The following SHROOM1 variants were observed in gnomAD, a reference collection of about 807,000 sequenced individuals.
The protein encoded by SHROOM1 is shroom family member 1, also known as protein Shroom1.
In SHROOM1, 53 loss-of-function variants were observed where a neutral mutation model predicts 64.2. The ratio of observed to expected loss-of-function variants is 0.83; its 90% CI spans 0.66 to 1.04. The LOEUF is 1.04. SHROOM1 is among the 50% of genes least tolerant of loss of function. The pLI, the probability that SHROOM1 is intolerant of heterozygous loss-of-function variation, is 0.00. For synonymous variants in SHROOM1, 490 were observed against 518.9 expected (o/e 0.94, Z 0.76); for missense variants, 1,179 against 1,163.2 (o/e 1.01, Z -0.20).
rs766254170 is a variant in SHROOM1 at position 132,825,137 on chromosome 5, C to T, written c.978+26G>A. ...TTTGTTTCCCAGATGCTCCCCTCAC[C>T]AGCCTGCATCTCCTGACTTCCATAC... On this transcript the variant is annotated intron_variant, in intron 4 of 9. Transcript: ENST00000378679. This position sits in a 1 kb window ranked among gnomAD's most constrained non-coding sequence, Gnocchi z 5.1. 2 of 1,614,142 alleles carry T rather than the reference C, an allele frequency of 1.2e-6. No homozygotes were observed. Among genetic ancestry groups the T allele is most frequent in the South Asian group, 2.2e-5 (2 of 91,070 alleles).
At position 132,822,978 on chromosome 5, in the gene SHROOM1, G is replaced by A. The variant is rs1306696171; in HGVS notation, c.2377C>T (p.Leu793=). ...GCCAGGACGGCGGCCTTGCCCGCCA[G>A]CAGGGCGCAATAGACGCGCAGCTCC... The part of the protein sequence containing the change: ...VEELRVYCAL[L]AGKAAVLAQQ... Residue 793 remains leucine, a synonymous_variant, in exon 10 of 10, where the codon CTG becomes TTG. Coordinates refer to ENST00000378679, the MANE Select transcript of SHROOM1 (RefSeq NM_001172700.2). The A allele has an allele frequency of 1.9e-6, 3 of 1,609,304 alleles. No individual in the cohort carries two copies. Among genetic ancestry groups the A allele is most frequent in the Non-Finnish European group, 2.5e-6 (3 of 1,179,766 alleles).
Position 132,823,071 on chromosome 5 carries a change from G to C in SHROOM1, c.2284C>G (p.Leu762Val). ...LQRQEEDAKE[L>V]KEHVARRERA... is the part of the protein sequence containing the mutation. ...TCGCGCCGCGCTACGTGCTCCTTCA[G>C]CTCCTTGGCGTCCTCCTCCTGCCGC... The change falls in exon 10 of 10, where the codon CTG (leucine) becomes GTG (valine). Residue 762 changes from leucine to valine, a missense_variant. Leu to Val is a conservative substitution (Grantham distance 32). Transcript: ENST00000378679. This position sits in a 1 kb window ranked among gnomAD's most constrained non-coding sequence, Gnocchi z 4.6. 1 of 1,592,144 alleles carries C rather than the reference G, an allele frequency of 6.3e-7. No homozygotes were observed. Among genetic ancestry groups the C allele is most frequent in the Non-Finnish European group, 8.5e-7 (1 of 1,176,342 alleles).
In SHROOM1 at chr5:132,825,793, G is replaced by C. The variant is rs1758669573; in HGVS notation, c.348C>G (p.Tyr116Ter). The change falls in exon 4 of 10, where the codon TAC becomes TAG. Residue 116 changes from tyrosine to a stop codon, truncating the protein, a stop_gained. Transcript: ENST00000378679. LOFTEE classifies it high-confidence loss of function. This position sits in a 1 kb window ranked among gnomAD's most constrained non-coding sequence, Gnocchi z 5.1. ...CGGCCTCCGCCTCGGCCGCCAGCGCGTACAGCAGCGGGGTGGCCTGCCTGT... is the reference window on the plus strand; with the variant it reads ...CGGCCTCCGCCTCGGCCGCCAGCGCCTACAGCAGCGGGGTGGCCTGCCTGT... ...PLNRQATPLLYALAAEAEAAA... is the reference protein window; with the variant it reads ...PLNRQATPLL 8.0e-7 allele frequency: 1 copy of C among 1,246,380 alleles called. No homozygotes were observed. Among genetic ancestry groups the C allele is most frequent in the Non-Finnish European group, 1.0e-6 (1 of 998,142 alleles). The allele number at this position is 1,246,380 out of a possible 1,614,324, so 77.2% of individuals were successfully genotyped here. A position where few individuals can be genotyped will look rare whatever the true frequency, so the allele number is the denominator to read the frequency against.
chr5:132,826,048 C>T lies in SHROOM1; in HGVS notation c.93G>A (p.Ser31=). ...DLWHLSMRAD[S]AYSSFSAASG... is the part of the protein sequence containing the mutation. ...AGGCTGCGGAGAAAGAGCTGTAGGC[C>T]GAGTCCGCGCGCATGGACAGATGCC... The change falls in exon 4 of 10, where the codon TCG becomes TCA. Residue 31 remains serine, a synonymous_variant. Transcript: ENST00000378679. 1.3e-6 allele frequency: 2 copies of T among 1,504,512 alleles called. No homozygotes were observed. Among genetic ancestry groups the T allele is most frequent in the Non-Finnish European group, 8.9e-7 (1 of 1,129,142 alleles). 93.2% of individuals were successfully genotyped at this position (1,504,512 alleles called of 1,614,324 possible). A position where few individuals can be genotyped will look rare whatever the true frequency, so the allele number is the denominator to read the frequency against.
At chr5:132,826,976 A>G (rs1031527547) in intron 2 of SHROOM1, among the ~76,000 whole-genome samples, 1 of 151,952 alleles carries the variant, frequency 6.6e-6, no homozygotes, top group Non-Finnish European at 1.5e-5. Flanking sequence ...GGAAGCCCAC[A>G]CTCCACTATG....
rs539077260 is a variant in SHROOM1, at chr5:132,827,541, G to C, written c.-434C>G. On this transcript the variant is annotated 5_prime_UTR_variant, in exon 2 of 10. Coordinates refer to ENST00000378679, the MANE Select transcript of SHROOM1 (RefSeq NM_001172700.2). ...TGAGGCAGAAGAATCGCTTGAACCC[G>C]GGAGGCGGAAGTTGTAGTGAGCCGA... 6.6e-6 allele frequency: 1 copy of C among 152,412 alleles called. No individual in the cohort carries two copies. Among genetic ancestry groups the C allele is most frequent in the African/African-American group, 2.4e-5 (1 of 41,450 alleles). The allele number at this position is 152,412 out of a possible 1,614,324, so 9.4% of individuals were successfully genotyped here. A position where few individuals can be genotyped will look rare whatever the true frequency, so the allele number is the denominator to read the frequency against.
At position 132,824,170 on chromosome 5, in the gene SHROOM1, ACT is replaced by A. The variant is rs1191848740; in HGVS notation, c.1489_1490del (p.Ser497Ter). On this transcript the variant is annotated frameshift_variant, in exon 7 of 10. Coordinates refer to ENST00000378679, the MANE Select transcript of SHROOM1 (RefSeq NM_001172700.2). LOFTEE classifies it high-confidence loss of function. ...CAGCTGGGACAGGTTTGAGGAGGTC[ACT>A]CTCTGCAGCTGTGGGGGGATTGGTG... ...LTTNPPTAAESDLLKPVPADA... is the reference protein window; with the variant it reads ...LTTNPPTAAEXDLLKPVPADA... 4.3e-6 allele frequency: 7 copies of A among 1,614,106 alleles called. No individual in the cohort carries two copies. The highest frequency in any genetic ancestry group is 1.3e-5 in the African/African-American group (1 of 75,006).
chr5:132,824,191 A>G lies in SHROOM1; in HGVS notation c.1470T>C (p.Asn490=). Residue 490 remains asparagine, a synonymous_variant, in exon 7 of 10, where the codon AAT becomes AAC. Transcript: ENST00000378679. ...GGTCACTCTCTGCAGCTGTGGGGGG[A>G]TTGGTGGTCAGTCCAGTGGGGTCAA... ...PTIDPTGLTT[N]PPTAAESDLL... 2 of 1,613,942 alleles carry G rather than the reference A, an allele frequency of 1.2e-6. No homozygotes were observed. Among genetic ancestry groups the G allele is most frequent in the Non-Finnish European group, 1.7e-6 (2 of 1,179,984 alleles).
In SHROOM1 at chr5:132,823,204, C is replaced by A; in HGVS notation, c.2226+46G>T. The A allele has an allele frequency of 6.4e-7, 1 of 1,560,238 alleles. No individual in the cohort carries two copies. Among genetic ancestry groups the A allele is most frequent in the Non-Finnish European group, 8.6e-7 (1 of 1,160,962 alleles). On this transcript the variant is annotated intron_variant, in intron 9 of 9. Coordinates refer to ENST00000378679, the MANE Select transcript of SHROOM1 (RefSeq NM_001172700.2). This position sits in a 1 kb window ranked among gnomAD's most constrained non-coding sequence, Gnocchi z 4.6. ...CCGGAATGGTTCCAGCCGGAGACAG[C>A]AGGCCCCTCACCGCCCTACTCGCTT...
chr5:132,827,613 TCAAAA>T lies in SHROOM1; in HGVS notation c.-500-11_-500-7del, dbSNP rs59134061. 14,831 of 149,772 alleles carry T rather than the reference TCAAAA, an allele frequency of 0.099. 1,504 individuals are homozygous for T. Among genetic ancestry groups the T allele is most frequent in the African/African-American group, 0.25 (10,194 of 40,670 alleles). The allele number at this position is 149,772 out of a possible 1,614,324, so 9.3% of individuals were successfully genotyped here. A position where few individuals can be genotyped will look rare whatever the true frequency, so the allele number is the denominator to read the frequency against. ...CCTGGCGACAAAGTGAGGCTCTGTCTCAAAACAAAACAAAACAAAACAAAACAAAA... is the reference window on the plus strand; with the variant it reads ...CCTGGCGACAAAGTGAGGCTCTGTCTCAAAACAAAACAAAACAAAACAAAA... On this transcript the variant is annotated splice_polypyrimidine_tract_variant and splice_region_variant and intron_variant, in intron 1 of 9. Coordinates refer to ENST00000378679, the MANE Select transcript of SHROOM1 (RefSeq NM_001172700.2).
At chr5:132,828,498 C>A (rs1209751747) in intron 1 of SHROOM1, among the ~76,000 whole-genome samples, 2 of 152,216 alleles carry the variant, frequency 1.3e-5, no homozygotes, top group East Asian at 3.9e-4. Context: ...GGAAGCCCAC[C>A]CGACTGCTCA....
Position 132,830,366 on chromosome 5 carries a change from T to C in SHROOM1, c.-501+228A>G. ...CCGCCAGCTTAGAGTGGGCCGCCTC[T>C]CCGCCCTGCAGCTCTGCAGCTGGGA... On this transcript the variant is annotated intron_variant, in intron 1 of 9. Coordinates refer to ENST00000378679, the MANE Select transcript of SHROOM1 (RefSeq NM_001172700.2). This position sits in a 1 kb window ranked among gnomAD's most constrained non-coding sequence, Gnocchi z 5.9. 2.0e-6 allele frequency: 2 copies of C among 984,714 alleles called. No individual in the cohort carries two copies. The highest frequency in any genetic ancestry group is 1.0e-3 in the Middle Eastern group (2 of 1,910). 61.0% of individuals were successfully genotyped at this position (984,714 alleles called of 1,614,324 possible). A position where few individuals can be genotyped will look rare whatever the true frequency, so the allele number is the denominator to read the frequency against.
Position 132,823,624 on chromosome 5 carries a change from T to G in SHROOM1, c.1952A>C (p.Lys651Thr), listed in dbSNP as rs371278411. ...PAPNNSIQGKKVELAARLQKM... is the reference protein window; with the variant it reads ...PAPNNSIQGKTVELAARLQKM... ...CTCCACCAGCCCTTCTCCACTCACT[T>G]TCTTGCCCTGGATGCTGTTGTTTGG... Residue 651 changes from lysine (K) to threonine (T), a missense_variant and splice_region_variant, in exon 8 of 10, where the codon AAA (lysine) becomes ACA (threonine). Lys to Thr is a moderately conservative substitution (Grantham distance 78). Transcript: ENST00000378679. This position sits in a 1 kb window ranked among gnomAD's most constrained non-coding sequence, Gnocchi z 4.6. The G allele has an allele frequency of 3.8e-6, 6 of 1,588,608 alleles. No homozygotes were observed. The African/African-American group carries it at 8.1e-5, about 21-fold the overall frequency.
Position 132,824,419 on chromosome 5 carries a change from A to G in SHROOM1, c.1242T>C (p.Ser414=). 1 of 1,528,556 alleles carries G rather than the reference A, an allele frequency of 6.5e-7. No individual in the cohort carries two copies. Among genetic ancestry groups the G allele is most frequent in the Non-Finnish European group, 8.8e-7 (1 of 1,140,818 alleles). 94.7% of individuals were successfully genotyped at this position (1,528,556 alleles called of 1,614,324 possible). A position where few individuals can be genotyped will look rare whatever the true frequency, so the allele number is the denominator to read the frequency against. Residue 414 remains serine, a splice_region_variant and synonymous_variant, in exon 7 of 10, where the codon AGT becomes AGC. Transcript: ENST00000378679. The part of the protein sequence containing the change: ...DPHASQGPPA[S]VHASDQPYGT... ...CATACGGCTGGTCAGAGGCATGGAC[A>G]CTGGAAGCAGAAAAGACACTGAATC...
intron 1 of SHROOM1, among the ~76,000 whole-genome samples, chr5:132,828,587 T>G (rs1758767910): frequency 6.6e-6 from 1 of 152,220 alleles, no homozygotes; most frequent in Non-Finnish European, 1.5e-5. Context: ...CTGCCCATTT[T>G]GGCTTGCTGC....
At position 132,822,537 on chromosome 5, in the gene SHROOM1, A is replaced by G. The variant is rs773112802; in HGVS notation, c.*259T>C. 15 of 331,802 alleles carry G rather than the reference A, an allele frequency of 4.5e-5. No homozygotes were observed. The highest frequency in any genetic ancestry group is 7.1e-5 in the Non-Finnish European group (13 of 182,192). 20.6% of individuals were successfully genotyped at this position (331,802 alleles called of 1,614,324 possible). On this transcript the variant is annotated 3_prime_UTR_variant, in exon 10 of 10. Transcript: ENST00000378679. ...CGCCACCACGCCCGGCTAATTTTTT[A>G]TATTTTTAGTAGAGACGGGGTTTCA...
chr5:132,823,451 C>T lies in SHROOM1; in HGVS notation c.2025G>A (p.Glu675=), dbSNP rs377599231. The change falls in exon 9 of 10, where the codon GAG becomes GAA. Residue 675 remains glutamate, a synonymous_variant. Transcript: ENST00000378679. This position sits in a 1 kb window ranked among gnomAD's most constrained non-coding sequence, Gnocchi z 4.6. ...CTTGGCGCCTGGCCCACGCTTGTGC[C>T]TCCCCCTGCAGCCGCTCCTGCTCCG... ...LHTEQERLQG[E]AQAWARRQAA... 1.1e-4 allele frequency: 182 copies of T among 1,612,464 alleles called. No individual in the cohort carries two copies. In the South Asian group the frequency reaches 1.9e-3, roughly 17 times the overall value.
rs750320846 is a variant in SHROOM1, at chr5:132,823,840, C to A, written c.1811+10G>T. 2 of 1,527,358 alleles carry A rather than the reference C, an allele frequency of 1.3e-6. No homozygotes were observed. The highest frequency in any genetic ancestry group is 1.3e-5 in the South Asian group (1 of 76,394). 94.6% of individuals were successfully genotyped at this position (1,527,358 alleles called of 1,614,324 possible). A position where few individuals can be genotyped will look rare whatever the true frequency, so the allele number is the denominator to read the frequency against. ...CTCAGTGTCCAGATTCCCTAGTACA[C>A]CTCACTCACCCTGGCTCAAAAGTAC... On this transcript the variant is annotated intron_variant, in intron 7 of 9. Coordinates refer to ENST00000378679, the MANE Select transcript of SHROOM1 (RefSeq NM_001172700.2). This position sits in a 1 kb window ranked among gnomAD's most constrained non-coding sequence, Gnocchi z 4.6.
In SHROOM1 at chr5:132,824,732, G is replaced by T. The variant is rs201446106; in HGVS notation, c.1124C>A (p.Thr375Asn). The stretch of plus-strand genomic sequence containing the variant: ...GGGGAGCCAGGCAGGCACAATGCAG[G>T]TCTCTGAGACCCTCTGTTCACTGTC... Reference protein sequence around the residue: ...PADSEQRVSETCIVPAWLPSL... With the variant: ...PADSEQRVSENCIVPAWLPSL... The change falls in exon 6 of 10, where the codon ACC (threonine) becomes AAC (asparagine). Residue 375 changes from threonine (T) to asparagine (N), a missense_variant. By Grantham distance (65) the Thr-to-Asn change is moderately conservative. Transcript: ENST00000378679. 99 of 1,614,098 alleles carry T rather than the reference G, an allele frequency of 6.1e-5. 1 individual carries two copies. The Admixed American group carries it at 1.6e-3, about 26-fold the overall frequency.
Sources: allele counts gnomAD v4.1 joint callset (sites outside exome capture counted in the v4.1 genomes callset), GRCh38; gene constraint gnomAD v4.1.1; non-coding constraint Gnocchi (gnomAD v3.1); transcripts MANE v1.5; gene names NCBI Gene and HGNC (gene_info 2026-07-23, HGNC 2026-07-21).